Variants in ATG4A observed in about 807,000 individuals in gnomAD.
ATG4A encodes autophagy related 4A cysteine peptidase.
A neutral mutation model predicts 38.4 loss-of-function variants in ATG4A; 22 were observed. That is an observed-to-expected ratio of 0.57 (90% CI 0.41 to 0.82). The LOEUF (loss-of-function observed/expected upper bound fraction) is 0.82. Ranked by LOEUF, ATG4A falls within the 40% of genes least tolerant of loss-of-function variation. The probability of loss-of-function intolerance (pLI) is 0.00; values close to 1 mark genes in which losing one functional copy is unlikely to be tolerated. For missense variants in ATG4A, 220 were observed against 290.0 expected, an observed-to-expected ratio of 0.76 and a Z score of 1.75; for synonymous variants, 86 against 100.7, an observed-to-expected ratio of 0.85 and a Z score of 0.88.
At chrX:108,140,966 A>G (rs866680510) in intron 9 of ATG4A, among the ~76,000 whole-genome samples, 2 of 89,058 alleles carry the variant, frequency 2.2e-5, no homozygotes, top group Admixed American at 1.3e-4. Context: ...ACATATATAC[A>G]CATATATACA....
intron 1 of ATG4A, among the ~76,000 whole-genome samples, chrX:108,094,764 G>A (rs2031751793): frequency 8.9e-6 from 1 of 111,894 alleles, no homozygotes; most frequent in Non-Finnish European, 1.9e-5. Context: ...TTATGTGGCA[G>A]GTTAATCACT....
At chrX:108,120,899 T>C (rs1471521064) in intron 1 of ATG4A, among the ~76,000 whole-genome samples, 1 of 112,353 alleles carries the variant, frequency 8.9e-6, no homozygotes, top group Non-Finnish European at 1.9e-5. Flanking sequence ...AATGTAAGTT[T>C]GAAAATTTCA....
At chrX:108,148,216 T>C (rs988248568) in intron 9 of ATG4A, among the ~76,000 whole-genome samples, 4 of 107,056 alleles carry the variant, frequency 3.7e-5, no homozygotes, top group Non-Finnish European at 5.8e-5. Flanking sequence ...GCATCCAGCA[T>C]GGGAGAAAGA....
intron 11 of ATG4A, 89 bp downstream of exon 11, chrX:108,151,947 C>T (rs1024104729): frequency 1.6e-5 from 14 of 857,276 alleles, no homozygotes; most frequent in Non-Finnish European, 2.2e-5. Flanking sequence ...AAAAAAAATC[C>T]TACTCTGATA....
chrX:108,144,412 G>A (rs1218672448), intron 9 of ATG4A, among the ~76,000 whole-genome samples: 2 of 112,544 alleles, frequency 1.8e-5, no homozygotes, highest in African/African-American at 6.5e-5. Flanking sequence ...CCTGAGGAAT[G>A]GTGCTATATT....
chrX:108,100,954 A>G (rs1424576839), intron 1 of ATG4A, among the ~76,000 whole-genome samples: 1 of 111,410 alleles, frequency 9.0e-6, no homozygotes, highest in African/African-American at 3.3e-5. Flanking sequence ...TCTAGAAGAC[A>G]TTGTGTAATA....
chrX:108,140,050 CAT>C (rs2033198345), intron 9 of ATG4A, among the ~76,000 whole-genome samples: 1 of 111,876 alleles, frequency 8.9e-6, no homozygotes. Context: ...TTTAGGGAGA[CAT>C]AAACATTCAG....
chrX:108,151,800 A>G lies in ATG4A; in HGVS notation c.961-2A>G. On this transcript the variant is annotated splice_acceptor_variant, in intron 10 of 12. Coordinates refer to ENST00000372232, the MANE Select transcript of ATG4A (RefSeq NM_052936.5). LOFTEE classifies it high-confidence loss of function. ...AGTTGTGTTCTTTTGCTTTCCCCCA[A>G]GGGATTTTTCTGCAAAGAAGAAAAA... 2 of 1,207,893 alleles carry G rather than the reference A, an allele frequency of 1.7e-6. No individual in the cohort carries two copies. The highest frequency in any genetic ancestry group is 2.2e-5 in the Admixed American group (1 of 46,074).
intron 1 of ATG4A, 115 bp downstream of exon 1, chrX:108,091,951 A>C: frequency 8.9e-7 from 1 of 1,118,942 alleles, no homozygotes; most frequent in Non-Finnish European, 1.2e-6. Flanking sequence ...GAGTTATGAG[A>C]GCCTAAAGGT....
At chrX:108,107,184 G>A (rs1042456729) in intron 1 of ATG4A, among the ~76,000 whole-genome samples, 1 of 110,993 alleles carries the variant, frequency 9.0e-6, no homozygotes, top group Non-Finnish European at 1.9e-5. Flanking sequence ...AGTCCCGTGT[G>A]TCCCTGAAGC....
chrX:108,091,246 G>A (rs935893317), upstream of ATG4A, among the ~76,000 whole-genome samples: 4 of 113,323 alleles, frequency 3.5e-5, no homozygotes, highest in African/African-American at 1.3e-4. Flanking sequence ...GCTCCCGCAG[G>A]CCTATCGCGA....
intron 1 of ATG4A, among the ~76,000 whole-genome samples, chrX:108,093,611 A>T (rs766730580): frequency 8.1e-5 from 9 of 111,749 alleles, no homozygotes; most frequent in Non-Finnish European, 1.7e-4. Context: ...TCACAGGGAA[A>T]ATTTATGCTT....
At chrX:108,151,273 A>G (rs1181005763) in intron 10 of ATG4A, among the ~76,000 whole-genome samples, 1 of 111,775 alleles carries the variant, frequency 8.9e-6, no homozygotes, top group Admixed American at 9.5e-5. Context: ...TTGTCAGTAT[A>G]CCAGTGACCA....
intron 1 of ATG4A, among the ~76,000 whole-genome samples, chrX:108,111,892 G>A (rs1028879649): frequency 5.4e-5 from 6 of 111,205 alleles, no homozygotes; most frequent in Admixed American, 4.8e-4. Context: ...GCTCAGACTG[G>A]TCTCAAACTC....
upstream of ATG4A, among the ~76,000 whole-genome samples, chrX:108,090,181 A>G (rs1392836163): frequency 8.9e-6 from 1 of 112,304 alleles, no homozygotes; most frequent in Non-Finnish European, 1.9e-5. Flanking sequence ...CTATGAGACC[A>G]TTATTACACT....
chrX:108,105,886 A>G (rs1013347593), intron 1 of ATG4A, among the ~76,000 whole-genome samples: 1 of 111,356 alleles, frequency 9.0e-6, no homozygotes, highest in Non-Finnish European at 1.9e-5. Context: ...AGCTTGGGAG[A>G]GGGGCTGATG....
chrX:108,130,093 G>A (rs1270009136), intron 3 of ATG4A, among the ~76,000 whole-genome samples: 1 of 109,969 alleles, frequency 9.1e-6, no homozygotes, highest in Non-Finnish European at 1.9e-5. Context: ...TACTAATCTG[G>A]CCAATAATCC....
chrX:108,123,380 T>A (rs772343800), intron 1 of ATG4A, among the ~76,000 whole-genome samples: 1 of 112,337 alleles, frequency 8.9e-6, no homozygotes, highest in South Asian at 3.7e-4. Context: ...CAAAAAGCAT[T>A]GCTGTTAATC....
At chrX:108,123,509 T>G (rs938520749) in intron 1 of ATG4A, among the ~76,000 whole-genome samples, 3 of 112,246 alleles carry the variant, frequency 2.7e-5, no homozygotes, top group Admixed American at 1.9e-4. Context: ...TAGACCCCCA[T>G]GTACATAATC....
Sources: gnomAD v4.1 joint callset for allele counts (sites outside exome capture counted in the v4.1 genomes callset) on GRCh38, gnomAD v4.1.1 for gene constraint, MANE v1.5 for transcripts, NCBI Gene and HGNC (gene_info 2026-07-23, HGNC 2026-07-21) for gene names.